UMAD1: variants seen among roughly 807,000 people sequenced by gnomAD.
UMAD1 encodes the protein UBAP1-MVB12-associated (UMA) domain containing 1.
Under a neutral mutation model 6.1 loss-of-function variants are expected in UMAD1, and 8 were observed. The ratio of observed to expected loss-of-function variants is 1.30; its 90% CI spans 0.76 to 2.35. UMAD1 has a LOEUF of 2.35. Among genes scored for constraint, UMAD1 ranks in the 30% most tolerant of loss-of-function variants. UMAD1 has a pLI of 0.00. For missense variants in UMAD1, 130 were observed against 78.4 expected (o/e 1.66, Z -2.49); for synonymous variants, 56 against 31.4 (o/e 1.78, Z -2.61).
At chr7:7,815,499 C>G (rs1783108465) in intron 3 of UMAD1, among the ~76,000 whole-genome samples, 3 of 152,074 alleles carry the variant, frequency 2.0e-5, no homozygotes, top group Admixed American at 6.6e-5. Context: ...TCTCATGTGA[C>G]AAGAAGTCTC....
chr7:7,740,178 T>TC (rs1309328640), intron 2 of UMAD1, among the ~76,000 whole-genome samples: 2 of 152,188 alleles, frequency 1.3e-5, no homozygotes, highest in African/African-American at 2.4e-5. Context: ...TTTCTTCCTT[T>TC]CCCCCTTTCT....
intron 2 of UMAD1, among the ~76,000 whole-genome samples, chr7:7,796,239 T>C (rs1782675159): frequency 7.6e-6 from 1 of 130,910 alleles, no homozygotes; most frequent in South Asian, 2.4e-4. Flanking sequence ...ATTTCTATTT[T>C]CTTTCTTTTT....
intron 2 of UMAD1, 140 bp from the exon 3 acceptor site, chr7:7,801,530 T>C (rs1782798576): frequency 8.5e-6 from 5 of 585,254 alleles, no homozygotes; most frequent in Non-Finnish European, 1.2e-5. Flanking sequence ...TTAGCTTGTT[T>C]ACTTTGAAAC....
chr7:7,741,580 ATAAT>A (rs1237122156), intron 2 of UMAD1, among the ~76,000 whole-genome samples: 4 of 92,996 alleles, frequency 4.3e-5, no homozygotes, highest in African/African-American at 9.5e-5. Flanking sequence ...ACGTCTCAAA[ATAAT>A]AATAATAATA....
intron 3 of UMAD1, among the ~76,000 whole-genome samples, chr7:7,856,025 A>C (rs1784009786): frequency 6.6e-6 from 1 of 152,158 alleles, no homozygotes; most frequent in Admixed American, 6.5e-5. Context: ...CCTGGACTTC[A>C]TTGTCCATAT....
At chr7:7,716,063 A>AT (rs888017312) in intron 2 of UMAD1, among the ~76,000 whole-genome samples, 24 of 152,070 alleles carry the variant, frequency 1.6e-4, no homozygotes, top group Non-Finnish European at 4.4e-5. Context: ...TACAGTTAAA[A>AT]TTTTTTTTGA....
At position 7,673,357 on chromosome 7, in the gene UMAD1, GCAGCAGCA is replaced by G; in HGVS notation, c.-14_-7del. On this transcript the variant is annotated 5_prime_UTR_variant, in exon 2 of 4. Coordinates refer to ENST00000682710, the MANE Select transcript of UMAD1 (RefSeq NM_001302348.2). ...AGCAGCAGCAGCAGCAGCAGCAGCAGCAGCAGCAGCAGCAATGTTTCACTTCTTCAGAA... is the reference window on the plus strand; with the variant it reads ...AGCAGCAGCAGCAGCAGCAGCAGCAGGCAGCAATGTTTCACTTCTTCAGAA... 7.9e-7 allele frequency: 1 copy of G among 1,272,740 alleles called. No homozygotes were observed. Among genetic ancestry groups the G allele is most frequent in the Non-Finnish European group, 1.1e-6 (1 of 907,130 alleles). The allele number at this position is 1,272,740 out of a possible 1,614,324, so 78.8% of individuals were successfully genotyped here.
intron 3 of UMAD1, among the ~76,000 whole-genome samples, chr7:7,858,145 T>A (rs901256435): frequency 1.3e-5 from 2 of 152,184 alleles, no homozygotes; most frequent in African/African-American, 2.4e-5. Context: ...AAACAGTGAC[T>A]GGCAAGTAAG....
chr7:7,763,665 T>C (rs561678539), intron 2 of UMAD1, among the ~76,000 whole-genome samples: 16 of 152,228 alleles, frequency 1.1e-4, no homozygotes, highest in Non-Finnish European at 2.2e-4. Flanking sequence ...TCACCTGAGG[T>C]CAGGAGTTTG....
At chr7:7,833,810 T>C (rs1783510402) in intron 3 of UMAD1, among the ~76,000 whole-genome samples, 1 of 152,150 alleles carries the variant, frequency 6.6e-6, no homozygotes, top group African/African-American at 2.4e-5. Flanking sequence ...TGGTGGTTAC[T>C]TTTTCAGGTT....
intron 3 of UMAD1, among the ~76,000 whole-genome samples, chr7:7,860,958 T>C (rs182286024): frequency 1.3e-5 from 2 of 152,268 alleles, no homozygotes; most frequent in African/African-American, 4.8e-5. Context: ...ACAACATATA[T>C]GGACCTTGAA....
intron 2 of UMAD1, among the ~76,000 whole-genome samples, chr7:7,706,329 A>T (rs1780598523): frequency 6.6e-6 from 1 of 152,198 alleles, no homozygotes; most frequent in Non-Finnish European, 1.5e-5. Context: ...GAGGCTGCTC[A>T]TGTTATCACC....
intron 2 of UMAD1, among the ~76,000 whole-genome samples, chr7:7,708,578 T>C (rs1213146245): frequency 6.6e-6 from 1 of 152,182 alleles, no homozygotes; most frequent in African/African-American, 2.4e-5. Flanking sequence ...AAGGAAACCT[T>C]TAAAAATAAG....
intron 3 of UMAD1, among the ~76,000 whole-genome samples, chr7:7,876,360 G>A (rs1784419645): frequency 6.6e-6 from 1 of 152,184 alleles, no homozygotes; most frequent in African/African-American, 2.4e-5. Flanking sequence ...GATGGCGAAG[G>A]AGCTAGTAGG....
At chr7:7,709,198 G>A (rs1036307408) in intron 2 of UMAD1, among the ~76,000 whole-genome samples, 1 of 152,154 alleles carries the variant, frequency 6.6e-6, no homozygotes, top group African/African-American at 2.4e-5. Flanking sequence ...TTTCCTATCT[G>A]TGTGCTGAGA....
At chr7:7,875,596 T>C (rs924255779) in intron 3 of UMAD1, among the ~76,000 whole-genome samples, 22 of 152,148 alleles carry the variant, frequency 1.4e-4, no homozygotes, top group Admixed American at 2.6e-4. Context: ...CTAGAAGAAA[T>C]GGATAAATTC....
At position 7,872,540 on chromosome 7, in the gene UMAD1, T is replaced by C. The variant is rs35370815; in HGVS notation, c.157-4741T>C. 2.5e-3 allele frequency among the ~76,000 whole-genome samples: 375 copies of C among 152,238 alleles called. 1 individual carries two copies. The highest frequency in any genetic ancestry group is 4.2e-3 in the Non-Finnish European group (284 of 68,008). On this transcript the variant is annotated intron_variant, in intron 3 of 3. Coordinates refer to ENST00000682710, the MANE Select transcript of UMAD1 (RefSeq NM_001302348.2). ...TCATGCCTCACCAAAGCAGATAGAA[T>C]AACGAAAAAATTTGAAATATTGTGG...
At chr7:7,796,258 T>TTTA in intron 2 of UMAD1, among the ~76,000 whole-genome samples, 1 of 130,168 alleles carries the variant, frequency 7.7e-6, no homozygotes, top group East Asian at 2.1e-4. Context: ...TTTTTTTTTT[T>TTTA]TTTTTTTTTT....
chr7:7,759,321 T>A (rs1781839589), intron 2 of UMAD1, among the ~76,000 whole-genome samples: 1 of 152,212 alleles, frequency 6.6e-6, no homozygotes, highest in Non-Finnish European at 1.5e-5. Context: ...GCTATTAATT[T>A]AGAATAAACA....
Sources: allele counts gnomAD v4.1 joint callset (sites outside exome capture counted in the v4.1 genomes callset), GRCh38; gene constraint gnomAD v4.1.1; transcripts MANE v1.5; gene names NCBI Gene and HGNC (gene_info 2026-07-23, HGNC 2026-07-21).